DRD3: variants seen among roughly 807,000 people sequenced by gnomAD.
The protein encoded by DRD3 is D(3) dopamine receptor.
Under a neutral mutation model 36.3 loss-of-function variants are expected in DRD3, and 19 were observed. The observed-to-expected ratio is 0.52, with a 90% confidence interval of 0.36 to 0.77. The LOEUF is 0.77. Ranked by LOEUF, DRD3 falls within the 30% of genes least tolerant of loss-of-function variation. DRD3 has a pLI of 0.00. For missense variants in DRD3, 465 were observed against 505.3 expected (o/e 0.92, Z 0.77); for synonymous variants, 195 against 203.7 (o/e 0.96, Z 0.36).
In DRD3 at chr3:114,158,239, T is replaced by A. The variant is rs1335092850; in HGVS notation, c.383+1516A>T. Among the ~76,000 whole-genome samples the A allele has an allele frequency of 3.5e-5, 5 of 141,402 alleles. No homozygotes were observed. The East Asian group carries it at 1.0e-3, about 29-fold the overall frequency. 92.8% of individuals were successfully genotyped at this position (141,402 alleles called of 152,430 possible). A position where few individuals can be genotyped will look rare whatever the true frequency, so the allele number is the denominator to read the frequency against. On this transcript the variant is annotated intron_variant, in intron 3 of 6. Coordinates refer to ENST00000383673, the MANE Select transcript of DRD3 (RefSeq NM_000796.6). ...CCAGCCTGGACAACATAGCAGGACC[T>A]CATCTCTGCAAAAAAGAAAAAAAAA...
chr3:114,197,064 A>G (rs1337779544), intron 1 of DRD3, among the ~76,000 whole-genome samples: 1 of 149,286 alleles, frequency 6.7e-6, no homozygotes, highest in Non-Finnish European at 1.5e-5. Context: ...TACATGTGCT[A>G]TGCTGGTGCG....
chr3:114,184,055 C>T (rs36212182), intron 1 of DRD3, among the ~76,000 whole-genome samples: 11,233 of 152,192 alleles, frequency 0.074, 593 homozygotes, highest in African/African-American at 0.14. Context: ...CTGCATGACT[C>T]TTTTTTGTGT....
chr3:114,154,418 G>A (rs2077646803), intron 3 of DRD3, among the ~76,000 whole-genome samples: 1 of 152,018 alleles, frequency 6.6e-6, no homozygotes, highest in Admixed American at 6.6e-5. Flanking sequence ...GGCCAGCCTG[G>A]GTGGGAAGGC....
Position 114,139,696 on chromosome 3 carries a change from C to CA in DRD3, c.527-1_527insT (p.Gly176ValfsTer12). On this transcript the variant is annotated frameshift_variant and splice_region_variant. Coordinates refer to ENST00000383673, the MANE Select transcript of DRD3 (RefSeq NM_000796.6). LOFTEE classifies it high-confidence loss of function. Reference sequence around the variant, plus strand: ...GGAGATGGAGCAGACAGTGGGGTCCCCTGTGGATGAGAAGGGGGAAGGTAA... The same window carrying CA: ...GGAGATGGAGCAGACAGTGGGGTCCCACTGTGGATGAGAAGGGGGAAGGTAA... 6.2e-7 allele frequency: 1 copy of CA among 1,613,288 alleles called. No individual in the cohort carries two copies. The highest frequency in any genetic ancestry group is 8.5e-7 in the Non-Finnish European group (1 of 1,179,574).
chr3:114,147,864 T>C (rs2077582890), intron 3 of DRD3, among the ~76,000 whole-genome samples: 3 of 152,154 alleles, frequency 2.0e-5, no homozygotes, highest in Admixed American at 1.3e-4. Context: ...CAAGCAACTC[T>C]CTGGCTTCAA....
chr3:114,169,701 C>A (rs2077820974), intron 2 of DRD3, among the ~76,000 whole-genome samples: 1 of 152,098 alleles, frequency 6.6e-6, no homozygotes, highest in African/African-American at 2.4e-5. Flanking sequence ...TATAGTCTCA[C>A]CTGCCCTTCT....
chr3:114,138,923 C>A (rs1485108002), intron 5 of DRD3, among the ~76,000 whole-genome samples: 1 of 152,174 alleles, frequency 6.6e-6, no homozygotes, highest in Non-Finnish European at 1.5e-5. Context: ...AAGTGCCAGA[C>A]AATGGGGTAA....
rs2107837794 is a variant in DRD3, at chr3:114,139,437, A to T, written c.723+63T>A. ...AAACGGCAAAATCATGCACTGCTGGACACAGGCTGGGAAGTCAGGAGATTG... is the reference window on the plus strand; with the variant it reads ...AAACGGCAAAATCATGCACTGCTGGTCACAGGCTGGGAAGTCAGGAGATTG... On this transcript the variant is annotated intron_variant, in intron 5 of 6. Coordinates refer to ENST00000383673, the MANE Select transcript of DRD3 (RefSeq NM_000796.6). The T allele has an allele frequency of 6.5e-6, 10 of 1,528,390 alleles. No homozygotes were observed. The East Asian group carries it at 2.3e-4, about 35-fold the overall frequency. The allele number at this position is 1,528,390 out of a possible 1,614,324, so 94.7% of individuals were successfully genotyped here. A position where few individuals can be genotyped will look rare whatever the true frequency, so the allele number is the denominator to read the frequency against.
At chr3:114,154,325 A>ATGTG (rs139298505) in intron 3 of DRD3, among the ~76,000 whole-genome samples, 59 of 149,218 alleles carry the variant, frequency 4.0e-4, no homozygotes, top group Admixed American at 2.5e-3. Flanking sequence ...AGGGTGGGAG[A>ATGTG]TGTGTGTGTG....
intron 6 of DRD3, among the ~76,000 whole-genome samples, chr3:114,130,719 G>A (rs1263866203): frequency 3.9e-5 from 6 of 152,072 alleles, no homozygotes; most frequent in African/African-American, 1.4e-4. Flanking sequence ...CATCATGCCC[G>A]GCCTAAAGTA....
chr3:114,185,253 G>T (rs944874761), intron 1 of DRD3, among the ~76,000 whole-genome samples: 4 of 152,074 alleles, frequency 2.6e-5, no homozygotes, highest in African/African-American at 9.7e-5. Context: ...TGGTTCACTT[G>T]ATGGTGTCTC....
At chr3:114,157,821 G>C (rs1290761200) in intron 3 of DRD3, among the ~76,000 whole-genome samples, 2 of 152,152 alleles carry the variant, frequency 1.3e-5, no homozygotes, top group Non-Finnish European at 1.5e-5. Context: ...AAGAGGGGTA[G>C]GCCAGGCACA....
At chr3:114,136,625 C>G (rs760562169) in intron 5 of DRD3, among the ~76,000 whole-genome samples, 8 of 152,232 alleles carry the variant, frequency 5.3e-5, no homozygotes, top group Non-Finnish European at 1.0e-4. Context: ...AAATGATTAT[C>G]TCCAATTACC....
intron 1 of DRD3, 53 bp downstream of exon 1, chr3:114,178,604 C>A (rs1024260193): frequency 1.3e-5 from 2 of 152,050 alleles, no homozygotes; most frequent in Admixed American, 6.6e-5. Flanking sequence ...GATTAAATAA[C>A]CTTGAGGAAA....
rs1328953656 is a variant in DRD3 at position 114,162,704 on chromosome 3, G to A, written c.271-2837C>T. On this transcript the variant is annotated intron_variant, in intron 2 of 6. Transcript: ENST00000383673. ...CACTTTGTCCAAGGTCACAGGGCTAGTACAGGGAGACAGAGCATTGGAATG... is the reference window on the plus strand; with the variant it reads ...CACTTTGTCCAAGGTCACAGGGCTAATACAGGGAGACAGAGCATTGGAATG... 3.3e-5 allele frequency among the ~76,000 whole-genome samples: 5 copies of A among 152,290 alleles called. No homozygotes were observed. The South Asian group carries it at 1.0e-3, about 32-fold the overall frequency.
At chr3:114,179,237 A>G (rs2077931799), upstream of DRD3, among the ~76,000 whole-genome samples, 1 of 152,206 alleles carries the variant, frequency 6.6e-6, no homozygotes, top group African/African-American at 2.4e-5. Flanking sequence ...GGAACAGATC[A>G]TCAAATTGAT....
At chr3:114,164,024 C>A (rs1339635537) in intron 2 of DRD3, among the ~76,000 whole-genome samples, 1 of 151,580 alleles carries the variant, frequency 6.6e-6, no homozygotes, top group African/African-American at 2.4e-5. Context: ...AGTTCGAGAC[C>A]AGCCTGGCCA....
At chr3:114,156,461 C>T (rs1276598543) in intron 3 of DRD3, among the ~76,000 whole-genome samples, 2 of 151,530 alleles carry the variant, frequency 1.3e-5, no homozygotes, top group South Asian at 2.1e-4. Flanking sequence ...GTTTACAGAC[C>T]TTTTGCCGTT....
intron 1 of DRD3, among the ~76,000 whole-genome samples, chr3:114,195,693 G>T (rs545882925): frequency 5.6e-4 from 85 of 152,206 alleles, no homozygotes; most frequent in African/African-American, 2.0e-3. Context: ...CCAGTATATT[G>T]CCATTTTGAA....
Sources: gnomAD v4.1 joint callset for allele counts (sites outside exome capture counted in the v4.1 genomes callset) on GRCh38, gnomAD v4.1.1 for gene constraint, MANE v1.5 for transcripts, NCBI Gene and HGNC (gene_info 2026-07-23, HGNC 2026-07-21) for gene names.